Variants in ZNRF3 observed in about 807,000 individuals in gnomAD.
ZNRF3 encodes zinc and ring finger 3, also known as E3 ubiquitin-protein ligase ZNRF3.
ZNRF3 carries 23 observed loss-of-function variants against 72.5 expected under a neutral mutation model. The observed-to-expected ratio is 0.32, with a 90% confidence interval of 0.23 to 0.45. The LOEUF (loss-of-function observed/expected upper bound fraction) is 0.45. ZNRF3 is among the 20% of genes least tolerant of loss of function. ZNRF3 has a pLI of 1.00. For missense variants in ZNRF3, 1,169 were observed against 1,272.1 expected (o/e 0.92, Z 1.23); for synonymous variants, 610 against 545.3 (o/e 1.12, Z -1.65).
At chr22:28,921,115 C>T in intron 1 of ZNRF3, among the ~76,000 whole-genome samples, 1 of 152,082 alleles carries the variant, frequency 6.6e-6, no homozygotes, top group East Asian at 1.9e-4. Flanking sequence ...GATCTTTGCC[C>T]CATTGTTTAA....
At chr22:28,965,038 A>G (rs1315856828) in intron 1 of ZNRF3, among the ~76,000 whole-genome samples, 1 of 152,168 alleles carries the variant, frequency 6.6e-6, no homozygotes, top group Admixed American at 6.5e-5. Flanking sequence ...GCTTTAGGCC[A>G]AAAGGATAGA....
chr22:28,899,689 CTTTCTTT>C (rs1261998802), intron 1 of ZNRF3, among the ~76,000 whole-genome samples: 1 of 140,686 alleles, frequency 7.1e-6, no homozygotes, highest in Non-Finnish European at 1.6e-5. Context: ...TTCTTTCTTT[CTTTCTTT>C]TTTTTTTTTT....
In ZNRF3 at chr22:29,050,615, G is replaced by A. The variant is rs758750767; in HGVS notation, c.2434G>A (p.Glu812Lys). Residue 812 changes from glutamate to lysine, a missense_variant, in exon 8 of 9, where the codon GAG becomes AAG. Physicochemically the swap from Glu to Lys is moderately conservative, Grantham distance 56. Transcript: ENST00000544604. Reference sequence around the variant, plus strand: ...GGTGAGTGTGCAGTACACGCTCACCGAGGAACCACCGCCCGGCTGCTACCC... The same window carrying A: ...GGTGAGTGTGCAGTACACGCTCACCAAGGAACCACCGCCCGGCTGCTACCC... Reference protein sequence around the residue: ...YSVSVQYTLTEEPPPGCYPGA... With the variant: ...YSVSVQYTLTKEPPPGCYPGA... 171 of 1,610,312 alleles carry A rather than the reference G, an allele frequency of 1.1e-4. No homozygotes were observed. The highest frequency in any genetic ancestry group is 1.4e-4 in the Non-Finnish European group (168 of 1,178,810).
At chr22:28,990,104 G>A (rs2035928362) in intron 2 of ZNRF3, among the ~76,000 whole-genome samples, 1 of 152,220 alleles carries the variant, frequency 6.6e-6, no homozygotes, top group African/African-American at 2.4e-5. Flanking sequence ...CCCCACAGGG[G>A]AGCAGCAGGC....
chr22:29,053,789 A>G lies in ZNRF3; in HGVS notation c.*167A>G, dbSNP rs1263101234. On this transcript the variant is annotated 3_prime_UTR_variant, in exon 9 of 9. Transcript: ENST00000544604. ...CAAAATGTGAGCCCCCTGTGGCAAA[A>G]CCACCCCCTACCCCATTAACAAATC... 3 of 583,162 alleles carry G rather than the reference A, an allele frequency of 5.1e-6. No individual in the cohort carries two copies. Among genetic ancestry groups the G allele is most frequent in the South Asian group, 4.5e-5 (2 of 44,582 alleles). 36.1% of individuals were successfully genotyped at this position (583,162 alleles called of 1,614,324 possible).
At chr22:28,949,961 A>AC (rs1555972781) in intron 1 of ZNRF3, among the ~76,000 whole-genome samples, 1 of 150,582 alleles carries the variant, frequency 6.6e-6, no homozygotes, top group Non-Finnish European at 1.5e-5. Flanking sequence ...GCCACGCAGA[A>AC]TTTTTTTTTT....
chr22:28,916,036 T>C (rs916705853), intron 1 of ZNRF3, among the ~76,000 whole-genome samples: 3 of 152,220 alleles, frequency 2.0e-5, no homozygotes, highest in African/African-American at 7.2e-5. Flanking sequence ...TAAATGAATG[T>C]AGAGATTTTT....
chr22:28,900,505 C>G (rs1436070926), intron 1 of ZNRF3, among the ~76,000 whole-genome samples: 1 of 152,142 alleles, frequency 6.6e-6, no homozygotes, highest in African/African-American at 2.4e-5. Flanking sequence ...GATCAGAGCC[C>G]AGAATGGCAG....
intron 2 of ZNRF3, among the ~76,000 whole-genome samples, chr22:29,002,837 C>T (rs1030000009): frequency 6.6e-6 from 1 of 152,172 alleles, no homozygotes; most frequent in Non-Finnish European, 1.5e-5. Flanking sequence ...CTTCCGAAAG[C>T]GCCTGGCAGA....
intron 2 of ZNRF3, among the ~76,000 whole-genome samples, chr22:29,009,746 A>G (rs1444075488): frequency 2.0e-5 from 3 of 152,094 alleles, no homozygotes; most frequent in East Asian, 1.9e-4. Context: ...CTGTGGTCCT[A>G]ATTCTTTGAC....
At chr22:28,982,752 G>C (rs1302478852) in intron 1 of ZNRF3, among the ~76,000 whole-genome samples, 3 of 152,102 alleles carry the variant, frequency 2.0e-5, no homozygotes, top group Admixed American at 2.0e-4. Flanking sequence ...GACTACTTCT[G>C]CTTCTCTATA....
Position 29,050,198 on chromosome 22 carries a change from C to G in ZNRF3, c.2017C>G (p.Leu673Val), listed in dbSNP as rs754501877. The part of the protein sequence containing the change: ...LEMNYSSNSS[L>V]EHRGPNSSTS... The stretch of plus-strand genomic sequence containing the variant: ...GATGAACTACAGCAGCAACTCCTCC[C>G]TGGAGCACAGGGGGCCCAATAGCTC... Residue 673 changes from leucine to valine, a missense_variant, in exon 8 of 9, where the codon CTG becomes GTG. Coordinates refer to ENST00000544604, the MANE Select transcript of ZNRF3 (RefSeq NM_001206998.2). 2 of 1,601,066 alleles carry G rather than the reference C, an allele frequency of 1.2e-6. No individual in the cohort carries two copies. The highest frequency in any genetic ancestry group is 1.7e-6 in the Non-Finnish European group (2 of 1,179,866).
chr22:28,911,586 A>G (rs1367397508), intron 1 of ZNRF3, among the ~76,000 whole-genome samples: 1 of 152,256 alleles, frequency 6.6e-6, no homozygotes, highest in Non-Finnish European at 1.5e-5. Context: ...AGCTGTTATT[A>G]GTAACAAATA....
At chr22:28,944,170 A>G (rs1375069470) in intron 1 of ZNRF3, among the ~76,000 whole-genome samples, 1 of 152,174 alleles carries the variant, frequency 6.6e-6, no homozygotes, top group Non-Finnish European at 1.5e-5. Flanking sequence ...ACAATGTATC[A>G]AGAGTCTTAA....
intron 2 of ZNRF3, among the ~76,000 whole-genome samples, chr22:29,000,541 C>A (rs928526957): frequency 6.6e-6 from 1 of 152,044 alleles, no homozygotes; most frequent in Non-Finnish European, 1.5e-5. Flanking sequence ...TCTTTTAGAA[C>A]CTAACTGTAA....
rs192177674 is a variant in ZNRF3 at position 28,982,414 on chromosome 22, A to G, written c.301-4662A>G. On this transcript the variant is annotated intron_variant, in intron 1 of 8. Transcript: ENST00000544604. ...GGAGTTCAAGACCAGCCTGGGCGACATTGTGAGACCTGTCTCTACAAAAAA... is the reference window on the plus strand; with the variant it reads ...GGAGTTCAAGACCAGCCTGGGCGACGTTGTGAGACCTGTCTCTACAAAAAA... 5.3e-4 allele frequency among the ~76,000 whole-genome samples: 72 copies of G among 136,324 alleles called. No individual in the cohort carries two copies. In the Admixed American group the frequency reaches 5.4e-3, roughly 10 times the overall value. 89.4% of individuals were successfully genotyped at this position (136,324 alleles called of 152,430 possible). A position where few individuals can be genotyped will look rare whatever the true frequency, so the allele number is the denominator to read the frequency against.
At chr22:29,013,895 G>A (rs766755832) in intron 2 of ZNRF3, among the ~76,000 whole-genome samples, 2 of 152,186 alleles carry the variant, frequency 1.3e-5, no homozygotes, top group Non-Finnish European at 2.9e-5. Flanking sequence ...CAGGCGTGGA[G>A]GCCTGGTTAG....
chr22:28,953,905 C>G (rs188796936), intron 1 of ZNRF3, among the ~76,000 whole-genome samples: 11 of 152,236 alleles, frequency 7.2e-5, no homozygotes, highest in Non-Finnish European at 1.5e-4. Context: ...CACCTTGGCA[C>G]TTATTTGTAT....
chr22:28,978,286 T>C (rs1315222312), intron 1 of ZNRF3, among the ~76,000 whole-genome samples: 2 of 152,204 alleles, frequency 1.3e-5, no homozygotes, highest in African/African-American at 2.4e-5. Context: ...ACCCTGGTTA[T>C]TGTGTCTGCC....
Sources: allele counts gnomAD v4.1 joint callset (sites outside exome capture counted in the v4.1 genomes callset), GRCh38; gene constraint gnomAD v4.1.1; transcripts MANE v1.5; gene names NCBI Gene and HGNC (gene_info 2026-07-23, HGNC 2026-07-21).